CRYBG1: variants seen among roughly 807,000 people sequenced by gnomAD.
The protein encoded by CRYBG1 is beta/gamma crystallin domain-containing protein 1.
In CRYBG1, 139 loss-of-function variants were observed where a neutral mutation model predicts 189.2. The ratio of observed to expected loss-of-function variants is 0.73; its 90% CI spans 0.64 to 0.85. The LOEUF is 0.85. Among genes scored for constraint, CRYBG1 ranks in the 40% least tolerant of loss-of-function variants. CRYBG1 has a pLI of 0.00. For missense variants in CRYBG1, 2,611 were observed against 2,675.8 expected, an observed-to-expected ratio of 0.98 and a Z score of 0.53; for synonymous variants, 1,023 against 1,017.1, an observed-to-expected ratio of 1.01 and a Z score of -0.11.
Position 106,543,491 on chromosome 6 carries a change from A to T in CRYBG1, c.4933A>T (p.Thr1645Ser), listed in dbSNP as rs1315196622. 1 of 1,614,066 alleles carries T rather than the reference A, an allele frequency of 6.2e-7. No individual in the cohort carries two copies. Residue 1645 changes from threonine to serine, a missense_variant, in exon 11 of 22, where the codon ACA becomes TCA. Thr to Ser is a moderately conservative substitution (Grantham distance 58). Around this residue, in one of 3 missense-constraint regions of CRYBG1, gnomAD observed 1,622 missense variants for 1,735.0 expected, o/e 0.93. Transcript: ENST00000633556. ...TGAAGGAAAATGTGTGGAACTAGAA[A>T]CAGGAATGTGTAGTTTTGTCATGGA... ...FFEGKCVELE[T>S]GMCSFVMEGG...
intron 2 of CRYBG1, among the ~76,000 whole-genome samples, chr6:106,467,495 A>C (rs1490560242): frequency 6.6e-6 from 1 of 152,110 alleles, no homozygotes. Context: ...AAGAAAAGAA[A>C]ACAAAAAGAG....
chr6:106,390,001 G>A (rs929201785), intron 1 of CRYBG1, among the ~76,000 whole-genome samples: 2 of 152,036 alleles, frequency 1.3e-5, no homozygotes, highest in African/African-American at 4.8e-5. Flanking sequence ...AAAAATTGTT[G>A]TTTTTGTATG....
chr6:106,555,977 A>G, intron 17 of CRYBG1, 80 bp downstream of exon 17: 1 of 1,515,858 alleles, frequency 6.6e-7, no homozygotes, highest in Non-Finnish European at 9.1e-7. Context: ...ACCAGCCGGT[A>G]GAACCTGCTC....
At position 106,512,720 on chromosome 6, in the gene CRYBG1, G is replaced by A. The variant is rs748683370; in HGVS notation, c.1603G>A (p.Ala535Thr). The change falls in exon 3 of 22, where the codon GCT becomes ACT. Residue 535 changes from alanine to threonine, a missense_variant. Transcript: ENST00000633556. ...VPAPPASGPR[A>T]PAKESPPKRV... ...CGCCCCGCCCGCCAGCGGCCCCCGG[G>A]CTCCCGCCAAGGAGTCCCCACCCAA... 18 of 1,555,970 alleles carry A rather than the reference G, an allele frequency of 1.2e-5. No homozygotes were observed. The highest frequency in any genetic ancestry group is 3.8e-5 in the Admixed American group (2 of 51,954).
At chr6:106,567,194 C>T (rs1774914290) in intron 21 of CRYBG1, among the ~76,000 whole-genome samples, 1 of 152,130 alleles carries the variant, frequency 6.6e-6, no homozygotes, top group African/African-American at 2.4e-5. Flanking sequence ...TGAAAAGAGA[C>T]ATTGTGACTT....
intron 2 of CRYBG1, among the ~76,000 whole-genome samples, chr6:106,492,413 T>G (rs1772744484): frequency 6.6e-6 from 1 of 152,160 alleles, no homozygotes; most frequent in African/African-American, 2.4e-5. Context: ...TATGAATGAT[T>G]GTTAGAGAAT....
At chr6:106,557,709 A>G (rs1735531322) in intron 17 of CRYBG1, among the ~76,000 whole-genome samples, 1 of 152,244 alleles carries the variant, frequency 6.6e-6, no homozygotes, top group South Asian at 2.1e-4. Context: ...CTGGGATGAC[A>G]GGCGTAAGCC....
chr6:106,486,019 GTTCTT>G (rs1179416271), intron 2 of CRYBG1, among the ~76,000 whole-genome samples: 1 of 152,008 alleles, frequency 6.6e-6, no homozygotes. Flanking sequence ...ATTTTGTTCT[GTTCTT>G]CTAGTTCACT....
chr6:106,479,779 T>A (rs959913406), intron 2 of CRYBG1, among the ~76,000 whole-genome samples: 2 of 152,246 alleles, frequency 1.3e-5, no homozygotes, highest in African/African-American at 4.8e-5. Context: ...TTATTTGTAT[T>A]TTAATTGCTG....
chr6:106,562,893 C>A (rs1017160148), intron 20 of CRYBG1, among the ~76,000 whole-genome samples: 3 of 152,238 alleles, frequency 2.0e-5, no homozygotes, highest in Admixed American at 6.5e-5. Context: ...GTGGTGCAAT[C>A]ACAGCTCACT....
At chr6:106,400,035 C>G (rs1332692763) in intron 1 of CRYBG1, among the ~76,000 whole-genome samples, 1 of 149,228 alleles carries the variant, frequency 6.7e-6, no homozygotes, top group Non-Finnish European at 1.5e-5. Context: ...ACTCGGGAGG[C>G]TGAGGTGGGA....
Position 106,525,166 on chromosome 6 carries a change from C to T in CRYBG1, c.4279C>T (p.Pro1427Ser), listed in dbSNP as rs373990804. 1.5e-4 allele frequency: 247 copies of T among 1,613,992 alleles called. 2 individuals carry two copies. The highest frequency in any genetic ancestry group is 1.6e-4 in the Non-Finnish European group (190 of 1,179,996). The stretch of plus-strand genomic sequence containing the variant: ...AGGAAGTGTCCAAAATAAACTCAAT[C>T]CCCGACCTGGAAAGGTAAGATTATT... ...LRGSVQNKLN[P>S]RPGKVVIYSE... The change falls in exon 5 of 22, where the codon CCC becomes TCC. Residue 1427 changes from proline (P) to serine (S), a missense_variant. Physicochemically the swap from Pro to Ser is moderately conservative, Grantham distance 74. Around this residue, in one of 3 missense-constraint regions of CRYBG1, gnomAD observed 1,622 missense variants for 1,735.0 expected, o/e 0.93. Coordinates refer to ENST00000633556, the MANE Select transcript of CRYBG1 (RefSeq NM_001371242.2).
intron 1 of CRYBG1, among the ~76,000 whole-genome samples, chr6:106,402,202 C>T (rs1450112678): frequency 1.7e-5 from 2 of 117,058 alleles, no homozygotes; most frequent in East Asian, 2.3e-4. Flanking sequence ...GAATCAATAT[C>T]GTGAAAATGG....
intron 1 of CRYBG1, among the ~76,000 whole-genome samples, chr6:106,416,146 A>G (rs952978606): frequency 6.6e-6 from 1 of 152,132 alleles, no homozygotes; most frequent in East Asian, 1.9e-4. Flanking sequence ...GGAAGCCAGC[A>G]CTACCCTCTG....
At chr6:106,464,492 C>CAAAAAA (rs5878893) in intron 2 of CRYBG1, among the ~76,000 whole-genome samples, 1 of 138,772 alleles carries the variant, frequency 7.2e-6, no homozygotes, top group Non-Finnish European at 1.6e-5. Flanking sequence ...GACTTTGTCT[C>CAAAAAA]AAAAAAAAAA....
In CRYBG1 at chr6:106,483,686, T is replaced by G. The variant is rs946060507; in HGVS notation, c.313-27744T>G. Among the ~76,000 whole-genome samples the G allele has an allele frequency of 4.6e-5, 7 of 151,188 alleles. No homozygotes were observed. The East Asian group carries it at 1.4e-3, about 30-fold the overall frequency. On this transcript the variant is annotated intron_variant, in intron 2 of 21. Coordinates refer to ENST00000633556, the MANE Select transcript of CRYBG1 (RefSeq NM_001371242.2). ...ACATTCTTGACAACACTTGTTTTCTTTTATCTTTTTGATGATAGCCATTCC... is the reference window on the plus strand; with the variant it reads ...ACATTCTTGACAACACTTGTTTTCTGTTATCTTTTTGATGATAGCCATTCC...
intron 1 of CRYBG1, among the ~76,000 whole-genome samples, chr6:106,441,907 T>C (rs2114422566): frequency 6.6e-6 from 1 of 152,332 alleles, no homozygotes; most frequent in East Asian, 1.9e-4. Flanking sequence ...CTCTCTCATA[T>C]TGAAAATGAT....
intron 18 of CRYBG1, among the ~76,000 whole-genome samples, chr6:106,559,882 C>T (rs1774659650): frequency 6.6e-6 from 1 of 152,054 alleles, no homozygotes; most frequent in South Asian, 2.1e-4. Context: ...ATCACTGGAA[C>T]CCAGCAGTTC....
At chr6:106,541,716 T>A in intron 10 of CRYBG1, 95 bp downstream of exon 10, 1 of 878,190 alleles carries the variant, frequency 1.1e-6, no homozygotes, top group Non-Finnish European at 1.8e-6. Context: ...ACTCCATCTC[T>A]ATGAAGATAT....
Sources: gnomAD v4.1 joint callset for allele counts (sites outside exome capture counted in the v4.1 genomes callset) on GRCh38, gnomAD v4.1.1 for gene constraint, gnomAD v4.1.1 regional missense constraint, MANE v1.5 for transcripts, NCBI Gene and HGNC (gene_info 2026-07-23, HGNC 2026-07-21) for gene names.